MSANTD5: variants seen among roughly 807,000 people sequenced by gnomAD.
The protein encoded by MSANTD5 is uncharacterized protein MSANTD5.
At chr5:178,696,665 G>T (rs924586726) in intron 1 of MSANTD5, among the ~76,000 whole-genome samples, 1 of 152,082 alleles carries the variant, frequency 6.6e-6, no homozygotes, top group African/African-American at 2.4e-5. Flanking sequence ...GCTCAAACCC[G>T]CACGGAATTT....
upstream of MSANTD5, among the ~76,000 whole-genome samples, chr5:178,702,301 C>CTTTTTTTTTTT (rs372575693): frequency 1.0e-4 from 14 of 133,342 alleles, no homozygotes; most frequent in East Asian, 2.1e-4. Flanking sequence ...CTTTTTTTTT[C>CTTTTTTTTTTT]TTTTTTTTTT....
chr5:178,706,568 T>G, the MSANTD5 span, among the ~76,000 whole-genome samples: 1 of 151,860 alleles, frequency 6.6e-6, no homozygotes, highest in African/African-American at 2.4e-5. Context: ...CTCTCCTGCT[T>G]GCAGGATTCC....
chr5:178,696,987 G>C (rs1765419407), intron 1 of MSANTD5, among the ~76,000 whole-genome samples: 1 of 152,182 alleles, frequency 6.6e-6, no homozygotes, highest in African/African-American at 2.4e-5. Context: ...GGAGTAAAAA[G>C]TCTGCCTAGT....
At chr5:178,705,366 A>G in the MSANTD5 span, among the ~76,000 whole-genome samples, 1 of 151,954 alleles carries the variant, frequency 6.6e-6, no homozygotes, top group East Asian at 1.9e-4. Context: ...CTTCTCAATG[A>G]GAGTCTGAGA....
chr5:178,697,803 G>T (rs1231001764), upstream of MSANTD5: 1 of 152,178 alleles, frequency 6.6e-6, no homozygotes, highest in Non-Finnish European at 1.5e-5. Context: ...TCTTAAATGT[G>T]ATTGGGTCAG....
upstream of MSANTD5, among the ~76,000 whole-genome samples, chr5:178,699,940 C>CTCGGTATATGCACCA: frequency 1.6e-5 from 1 of 61,902 alleles, no homozygotes; most frequent in Admixed American, 2.2e-4. Context: ...TGTGGCTTTC[C>CTCGGTATATGCACCA]AGCACAGACA....
chr5:178,698,050 A>C (rs1160057097), upstream of MSANTD5, among the ~76,000 whole-genome samples: 1 of 152,118 alleles, frequency 6.6e-6, no homozygotes, highest in East Asian at 1.9e-4. Context: ...TTCGTGCTGA[A>C]TGGTCAGCTT....
At chr5:178,693,695 C>T (rs1177582623), downstream of MSANTD5, among the ~76,000 whole-genome samples, 6 of 151,978 alleles carry the variant, frequency 3.9e-5, no homozygotes, top group Non-Finnish European at 1.5e-5. Flanking sequence ...TTGCCCCTGC[C>T]CATGTCCTGC....
At chr5:178,700,777 G>C (rs1765469968), upstream of MSANTD5, among the ~76,000 whole-genome samples, 1 of 152,170 alleles carries the variant, frequency 6.6e-6, no homozygotes, top group African/African-American at 2.4e-5. Context: ...GGAAGGCCAG[G>C]GACCTTTTTA....
At chr5:178,697,373 G>T (rs1390868558) in intron 1 of MSANTD5, among the ~76,000 whole-genome samples, 2 of 152,104 alleles carry the variant, frequency 1.3e-5, no homozygotes, top group Non-Finnish European at 2.9e-5. Context: ...AGAATGGCCT[G>T]AACCCGGGAG....
At chr5:178,704,512 G>A in the MSANTD5 span, among the ~76,000 whole-genome samples, 7 of 152,230 alleles carry the variant, frequency 4.6e-5, no homozygotes, top group Non-Finnish European at 8.8e-5. Context: ...CCCAACCTCC[G>A]CAATGTGAGA....
chr5:178,704,718 G>A, the MSANTD5 span, among the ~76,000 whole-genome samples: 1 of 152,232 alleles, frequency 6.6e-6, no homozygotes, highest in African/African-American at 2.4e-5. Flanking sequence ...AGCTACGGAT[G>A]AGAACCGGAA....
At chr5:178,696,665 G>A (rs924586726) in intron 1 of MSANTD5, among the ~76,000 whole-genome samples, 2 of 152,082 alleles carry the variant, frequency 1.3e-5, no homozygotes, top group Non-Finnish European at 2.9e-5. Context: ...GCTCAAACCC[G>A]CACGGAATTT....
At chr5:178,692,253 G>A (rs147405586), downstream of MSANTD5, among the ~76,000 whole-genome samples, 12,999 of 148,372 alleles carry the variant, frequency 0.088, 2,869 homozygotes, top group Non-Finnish European at 0.11. Flanking sequence ...GGTGGCAGGC[G>A]CCTGTAATCC....
At chr5:178,702,976 G>A in the MSANTD5 span, among the ~76,000 whole-genome samples, 12,449 of 152,216 alleles carry the variant, frequency 0.082, 636 homozygotes, top group Middle Eastern at 0.15. Context: ...GAGCAGTCAC[G>A]GAGACAAACA....
At chr5:178,697,300 A>AAAAC (rs1765426206) in intron 1 of MSANTD5, among the ~76,000 whole-genome samples, 1 of 150,604 alleles carries the variant, frequency 6.6e-6, no homozygotes, top group Non-Finnish European at 1.5e-5. Flanking sequence ...TAAAAATACA[A>AAAAC]AAAATTAGCC....
downstream of MSANTD5, among the ~76,000 whole-genome samples, chr5:178,692,676 T>C (rs1011095509): frequency 1.3e-5 from 2 of 152,060 alleles, no homozygotes; most frequent in Admixed American, 1.3e-4. Flanking sequence ...AAAAAGCTAT[T>C]CCCAAAAGGC....
upstream of MSANTD5, among the ~76,000 whole-genome samples, chr5:178,700,119 G>A (rs561442601): frequency 1.3e-5 from 2 of 152,188 alleles, no homozygotes; most frequent in East Asian, 1.9e-4. Context: ...CATCAGGCCC[G>A]CTCCTCCTGC....
the MSANTD5 span, among the ~76,000 whole-genome samples, chr5:178,705,930 C>T: frequency 2.0e-5 from 3 of 152,146 alleles, no homozygotes; most frequent in Non-Finnish European, 4.4e-5. Context: ...GCACTCCAGC[C>T]TGAGTGACAG....
Sources: allele counts gnomAD v4.1 joint callset (sites outside exome capture counted in the v4.1 genomes callset), GRCh38; gene constraint gnomAD v4.1.1; transcripts MANE v1.5; gene names NCBI Gene and HGNC (gene_info 2026-07-23, HGNC 2026-07-21).